The following PRR16 variants were observed in gnomAD, a reference collection of about 807,000 sequenced individuals.
The protein encoded by PRR16 is protein Largen.
In PRR16, 6 loss-of-function variants were observed where a neutral mutation model predicts 18.2. The ratio of observed to expected loss-of-function variants is 0.33; its 90% CI spans 0.18 to 0.65. The LOEUF is 0.65. PRR16 is among the 30% of genes least tolerant of loss of function. PRR16 has a pLI of 0.74. For synonymous variants in PRR16, 151 were observed against 147.8 expected, an observed-to-expected ratio of 1.02 and a Z score of -0.16; for missense variants, 412 against 376.6, an observed-to-expected ratio of 1.09 and a Z score of -0.78.
At chr5:120,535,499 A>G (rs1480535271) in intron 1 of PRR16, among the ~76,000 whole-genome samples, 1 of 152,180 alleles carries the variant, frequency 6.6e-6, no homozygotes, top group East Asian at 1.9e-4. Context: ...CACTTAACCA[A>G]GAGTAAGAAA....
downstream of PRR16, among the ~76,000 whole-genome samples, chr5:120,687,722 G>A (rs4895273): frequency 2.4e-3 from 360 of 152,220 alleles, 17 homozygotes; most frequent in South Asian, 0.07. Flanking sequence ...AGCATTTGGC[G>A]TAAGTTTTTC....
chr5:120,660,435 T>G (rs1269767199), intron 1 of PRR16, among the ~76,000 whole-genome samples: 1 of 152,120 alleles, frequency 6.6e-6, no homozygotes, highest in Non-Finnish European at 1.5e-5. Context: ...AGAATTAAAG[T>G]ATTCAAAACT....
intron 1 of PRR16, among the ~76,000 whole-genome samples, chr5:120,663,782 C>T (rs1756259847): frequency 6.6e-6 from 1 of 152,106 alleles, no homozygotes; most frequent in African/African-American, 2.4e-5. Context: ...GTCTAAGCTA[C>T]CTCTCAACCT....
chr5:120,688,071 A>G (rs990074444), downstream of PRR16, among the ~76,000 whole-genome samples: 5 of 152,226 alleles, frequency 3.3e-5, no homozygotes, highest in African/African-American at 1.2e-4. Context: ...AATGACTTTT[A>G]TGAATAGTTG....
intron 1 of PRR16, among the ~76,000 whole-genome samples, chr5:120,504,818 G>C (rs1250132851): frequency 6.6e-6 from 1 of 152,146 alleles, no homozygotes; most frequent in Non-Finnish European, 1.5e-5. Flanking sequence ...GTGCCAAAGA[G>C]TCGCATACCC....
chr5:120,547,076 G>T (rs1399794003), intron 1 of PRR16, among the ~76,000 whole-genome samples: 1 of 152,000 alleles, frequency 6.6e-6, no homozygotes, highest in Non-Finnish European at 1.5e-5. Flanking sequence ...TTTGTAAATT[G>T]TCATGGTGCT....
the PRR16 span, among the ~76,000 whole-genome samples, chr5:120,722,577 C>A: frequency 6.6e-6 from 1 of 151,720 alleles, no homozygotes; most frequent in Admixed American, 6.6e-5. Flanking sequence ...TGGAAAATCC[C>A]AATGTAAAAA....
At chr5:120,777,494 C>G in the PRR16 span, among the ~76,000 whole-genome samples, 1 of 152,062 alleles carries the variant, frequency 6.6e-6, no homozygotes, top group Admixed American at 6.5e-5. Context: ...AAGTTCCCCA[C>G]CTGCTCCTTC....
chr5:120,781,965 C>A, the PRR16 span, among the ~76,000 whole-genome samples: 1 of 150,754 alleles, frequency 6.6e-6, no homozygotes, highest in East Asian at 1.9e-4. Flanking sequence ...AAAACTTTAA[C>A]AAGTGGGTAT....
intron 1 of PRR16, among the ~76,000 whole-genome samples, chr5:120,661,100 C>G (rs979255570): frequency 6.6e-6 from 1 of 152,088 alleles, no homozygotes; most frequent in African/African-American, 2.4e-5. Flanking sequence ...TTGAATGTTG[C>G]TACAGTCTCT....
At chr5:120,791,655 TATC>T in the PRR16 span, among the ~76,000 whole-genome samples, 276 of 151,348 alleles carry the variant, frequency 1.8e-3, no homozygotes, top group African/African-American at 6.3e-3. Flanking sequence ...TCTATCTATC[TATC>T]ATCTATCTAT....
rs543068346 is a variant in PRR16 at position 120,522,723 on chromosome 5, A to C, written c.159+58078A>C. Among the ~76,000 whole-genome samples the C allele has an allele frequency of 6.0e-4, 92 of 152,278 alleles. 2 individuals carry two copies. Among genetic ancestry groups the C allele is most frequent in the Non-Finnish European group, 2.6e-4 (18 of 68,012 alleles). ...CAGATTCACACCATTCTCCTGCCTCAGCCTCCTGAGTAACTGGGACTACAG... is the reference window on the plus strand; with the variant it reads ...CAGATTCACACCATTCTCCTGCCTCCGCCTCCTGAGTAACTGGGACTACAG... On this transcript the variant is annotated intron_variant, in intron 1 of 1. Coordinates refer to ENST00000407149, the MANE Select transcript of PRR16 (RefSeq NM_001300783.2).
At chr5:120,666,033 A>G (rs1580853390) in intron 1 of PRR16, among the ~76,000 whole-genome samples, 5 of 151,914 alleles carry the variant, frequency 3.3e-5, no homozygotes, top group South Asian at 4.2e-4. Context: ...CATTGAATCT[A>G]TAAATTACCT....
the PRR16 span, among the ~76,000 whole-genome samples, chr5:120,754,624 T>TATATATA: frequency 0.021 from 1,302 of 61,082 alleles, 35 homozygotes; most frequent in African/African-American, 0.086. Context: ...ATTATATATT[T>TATATATA]ATATATAATA....
chr5:120,642,544 G>A (rs62377784), intron 1 of PRR16, among the ~76,000 whole-genome samples: 113 of 151,842 alleles, frequency 7.4e-4, no homozygotes, highest in African/African-American at 2.7e-3. Context: ...TTGTTGCTTG[G>A]TATGTAAACT....
At chr5:120,598,541 A>G (rs1753886513) in intron 1 of PRR16, among the ~76,000 whole-genome samples, 1 of 151,878 alleles carries the variant, frequency 6.6e-6, no homozygotes, top group Non-Finnish European at 1.5e-5. Flanking sequence ...TAGTGTGCAT[A>G]TAACCCAACA....
At chr5:120,500,987 T>C (rs1423547783) in intron 1 of PRR16, among the ~76,000 whole-genome samples, 1 of 152,060 alleles carries the variant, frequency 6.6e-6, no homozygotes. Context: ...CTCAGAATAC[T>C]TAAAAAAGGA....
At chr5:120,540,275 T>C (rs1751868138) in intron 1 of PRR16, among the ~76,000 whole-genome samples, 1 of 152,228 alleles carries the variant, frequency 6.6e-6, no homozygotes, top group Non-Finnish European at 1.5e-5. Context: ...AGGAACCTCT[T>C]ATCTGTTTGC....
At chr5:120,652,158 A>G (rs184601685) in intron 1 of PRR16, among the ~76,000 whole-genome samples, 40 of 152,276 alleles carry the variant, frequency 2.6e-4, no homozygotes, top group African/African-American at 9.4e-4. Context: ...GTACATTAAT[A>G]TAAAGATCAA....
Sources: gnomAD v4.1 joint callset for allele counts (sites outside exome capture counted in the v4.1 genomes callset) on GRCh38, gnomAD v4.1.1 for gene constraint, MANE v1.5 for transcripts, NCBI Gene and HGNC (gene_info 2026-07-23, HGNC 2026-07-21) for gene names.